MACROD2: variants seen among roughly 807,000 people sequenced by gnomAD.
MACROD2 encodes ADP-ribose glycohydrolase MACROD2.
A neutral mutation model predicts 70.4 loss-of-function variants in MACROD2; 36 were observed. That is an observed-to-expected ratio of 0.51 (90% CI 0.39 to 0.68). The LOEUF is 0.68. Ranked by LOEUF, MACROD2 falls within the 30% of genes least tolerant of loss-of-function variation. The probability of loss-of-function intolerance (pLI) is 0.00; values close to 1 mark genes in which losing one functional copy is unlikely to be tolerated. For synonymous variants in MACROD2, 172 were observed against 178.8 expected (o/e 0.96, Z 0.30); for missense variants, 496 against 538.4 (o/e 0.92, Z 0.78).
chr20:16,023,388 T>G (rs1038614255), intron 15 of MACROD2, among the ~76,000 whole-genome samples: 3 of 141,954 alleles, frequency 2.1e-5, no homozygotes, highest in Non-Finnish European at 4.5e-5. Context: ...GGCAGGAGAA[T>G]GGCTGAACCT....
At chr20:15,986,266 T>C (rs776636106) in intron 13 of MACROD2, among the ~76,000 whole-genome samples, 8 of 152,200 alleles carry the variant, frequency 5.3e-5, no homozygotes, top group Admixed American at 3.3e-4. Context: ...TCCCCCCAGT[T>C]CCCTTGTGCC....
intron 10 of MACROD2, among the ~76,000 whole-genome samples, chr20:15,904,257 G>A (rs184407926): frequency 3.3e-5 from 5 of 152,114 alleles, no homozygotes; most frequent in Non-Finnish European, 5.9e-5. Context: ...GAACTCAAGC[G>A]ACCCTCCAGC....
chr20:15,496,158 T>G (rs763140716), intron 7 of MACROD2, among the ~76,000 whole-genome samples: 17 of 152,128 alleles, frequency 1.1e-4, no homozygotes, highest in Non-Finnish European at 2.4e-4. Flanking sequence ...CTTCAAATGA[T>G]TGTGATGCTT....
chr20:15,342,120 T>A (rs958847671), intron 6 of MACROD2, among the ~76,000 whole-genome samples: 2 of 152,182 alleles, frequency 1.3e-5, no homozygotes, highest in African/African-American at 4.8e-5. Flanking sequence ...TAGTTTAACA[T>A]GCCTTTAACC....
chr20:14,017,384 A>G (rs762376450), intron 2 of MACROD2, among the ~76,000 whole-genome samples: 3 of 152,120 alleles, frequency 2.0e-5, no homozygotes, highest in Non-Finnish European at 4.4e-5. Flanking sequence ...GAAAGTGGAC[A>G]TCATTATTTT....
At chr20:15,800,992 A>T (rs1461590428) in intron 8 of MACROD2, among the ~76,000 whole-genome samples, 1 of 151,070 alleles carries the variant, frequency 6.6e-6, no homozygotes, top group Non-Finnish European at 1.5e-5. Context: ...TGAAGGCAGC[A>T]TGCTCCTTAA....
intron 3 of MACROD2, among the ~76,000 whole-genome samples, chr20:14,092,933 G>A (rs906135036): frequency 6.6e-6 from 1 of 152,210 alleles, no homozygotes; most frequent in African/African-American, 2.4e-5. Context: ...TTCAGAGCCA[G>A]TTTTCCGCTG....
At position 14,326,328 on chromosome 20, in the gene MACROD2, G is replaced by A. The variant is rs901451197; in HGVS notation, c.272-167151G>A. On this transcript the variant is annotated intron_variant, in intron 3 of 17. Coordinates refer to ENST00000684519, the MANE Select transcript of MACROD2 (RefSeq NM_001351661.2). The surrounding 1 kb of genome is among the most constrained non-coding windows in gnomAD (Gnocchi z 5.5). ...TTTGGTGATCCTTAGTGAGCTTGGG[G>A]TTCTTAATATCTGGCTGTTTGGTCA... is the stretch of plus-strand genomic sequence containing the variant. The A allele has an allele frequency of 1.9e-6, 3 of 1,613,750 alleles. No homozygotes were observed. Among genetic ancestry groups the A allele is most frequent in the Admixed American group, 1.7e-5 (1 of 59,972 alleles).
chr20:15,165,376 A>G (rs937893431), intron 5 of MACROD2, among the ~76,000 whole-genome samples: 1 of 152,202 alleles, frequency 6.6e-6, no homozygotes, highest in Non-Finnish European at 1.5e-5. Flanking sequence ...GAATGGCTTG[A>G]ACCTGGAAGG....
chr20:15,171,979 A>AAATG lies in MACROD2; in HGVS notation c.419-57949_419-57946dup, dbSNP rs537061591. 4.7e-4 allele frequency among the ~76,000 whole-genome samples: 71 copies of AAATG among 152,368 alleles called. No individual in the cohort carries two copies. In the East Asian group the frequency reaches 0.01, roughly 22 times the overall value. On this transcript the variant is annotated intron_variant, in intron 5 of 17. Coordinates refer to ENST00000684519, the MANE Select transcript of MACROD2 (RefSeq NM_001351661.2). ...ATAAATAAATGAGTGAATGAATAAA[A>AAATG]AATGAATGAATGAATACAGTCAAAT...
intron 13 of MACROD2, among the ~76,000 whole-genome samples, chr20:15,974,298 A>C (rs184842782): frequency 4.5e-4 from 69 of 152,316 alleles, no homozygotes; most frequent in Non-Finnish European, 6.8e-4. Context: ...TGAAACTATA[A>C]AAATACTAGA....
At chr20:15,109,016 A>G (rs1320930530) in intron 5 of MACROD2, among the ~76,000 whole-genome samples, 2 of 152,204 alleles carry the variant, frequency 1.3e-5, no homozygotes, top group South Asian at 2.1e-4. Flanking sequence ...CTGTGGGCCA[A>G]AGGAATCCCA....
intron 3 of MACROD2, among the ~76,000 whole-genome samples, chr20:14,122,363 T>C (rs1272465266): frequency 6.6e-6 from 1 of 152,208 alleles, no homozygotes; most frequent in Non-Finnish European, 1.5e-5. Context: ...TGGCACATTG[T>C]CAATGCTCAT....
chr20:15,795,256 A>G (rs73900245), intron 8 of MACROD2, among the ~76,000 whole-genome samples: 2,488 of 152,214 alleles, frequency 0.016, 81 homozygotes, highest in African/African-American at 0.057. Context: ...TAGTGGGGAA[A>G]GAGGTACAGC....
At chr20:15,234,009 AT>A (rs1342277075) in intron 6 of MACROD2, among the ~76,000 whole-genome samples, 79 of 39,838 alleles carry the variant, frequency 2.0e-3, no homozygotes, top group African/African-American at 2.9e-3. Context: ...ATATATATAT[AT>A]TCTTTTTTTT....
At chr20:14,343,011 A>G (rs1449453204) in intron 3 of MACROD2, among the ~76,000 whole-genome samples, 1 of 152,124 alleles carries the variant, frequency 6.6e-6, no homozygotes, top group Non-Finnish European at 1.5e-5. Flanking sequence ...CTCCCAGGAA[A>G]GAAAGGAGGA....
At chr20:14,042,963 G>T (rs2053414862) in intron 2 of MACROD2, among the ~76,000 whole-genome samples, 1 of 151,422 alleles carries the variant, frequency 6.6e-6, no homozygotes, top group Admixed American at 6.6e-5. Flanking sequence ...CTGTCACCCA[G>T]GCTGGAGTGC....
intron 5 of MACROD2, among the ~76,000 whole-genome samples, chr20:15,100,511 C>G (rs1370412610): frequency 6.6e-6 from 1 of 152,152 alleles, no homozygotes; most frequent in African/African-American, 2.4e-5. Flanking sequence ...TTGAGCACCT[C>G]AAATAGGCCA....
At chr20:15,885,405 A>G (rs1190973079) in intron 9 of MACROD2, among the ~76,000 whole-genome samples, 1 of 152,186 alleles carries the variant, frequency 6.6e-6, no homozygotes, top group Non-Finnish European at 1.5e-5. Flanking sequence ...GCAGACCTTT[A>G]ACAAAGTTAG....
Sources: gnomAD v4.1 joint callset for allele counts (sites outside exome capture counted in the v4.1 genomes callset) on GRCh38, gnomAD v4.1.1 for gene constraint, Gnocchi (gnomAD v3.1) non-coding constraint, MANE v1.5 for transcripts, NCBI Gene and HGNC (gene_info 2026-07-23, HGNC 2026-07-21) for gene names.